The following EXO1 variants were observed in gnomAD, a reference collection of about 807,000 sequenced individuals.
The protein encoded by EXO1 is exonuclease 1.
EXO1 carries 69 observed loss-of-function variants against 84.5 expected under a neutral mutation model. The ratio of observed to expected loss-of-function variants is 0.82; its 90% confidence interval spans 0.67 to 1.00. The LOEUF is 1.00. Ranked by LOEUF, EXO1 falls within the 50% of genes least tolerant of loss-of-function variation. The pLI is 0.00. For missense variants in EXO1, 1,045 were observed against 1,000.7 expected, an observed-to-expected ratio of 1.04 and a Z score of -0.60; for synonymous variants, 373 against 366.1, an observed-to-expected ratio of 1.02 and a Z score of -0.21.
At chr1:241,882,245 G>C (rs1487753396) in intron 14 of EXO1, among the ~76,000 whole-genome samples, 1 of 152,112 alleles carries the variant, frequency 6.6e-6, no homozygotes, top group Non-Finnish European at 1.5e-5. Context: ...AGTCATTAAT[G>C]TAATGACTTT....
chr1:241,858,419 A>G, intron 7 of EXO1, 87 bp from the exon 8 acceptor site: 3 of 825,238 alleles, frequency 3.6e-6, no homozygotes, highest in South Asian at 1.5e-5. Context: ...GTGAAGAACA[A>G]GAAAGATTTC....
chr1:241,879,939 G>A (rs1012113), intron 13 of EXO1, among the ~76,000 whole-genome samples: 29,933 of 151,078 alleles, frequency 0.2, 3,108 homozygotes, highest in Non-Finnish European at 0.22. Flanking sequence ...CCTGGGAGGC[G>A]GAGGTTGCAG....
chr1:241,853,334 T>A (rs1319505767), intron 5 of EXO1, 24 bp from the exon 6 acceptor site: 4 of 1,612,182 alleles, frequency 2.5e-6, no homozygotes, highest in Non-Finnish European at 3.4e-6. Flanking sequence ...TGTTTTATAT[T>A]TAAAAAATGT....
At position 241,879,321 on chromosome 1, in the gene EXO1, C is replaced by G; in HGVS notation, c.2087C>G (p.Ser696Cys). 1 of 1,599,770 alleles carries G rather than the reference C, an allele frequency of 6.3e-7. No individual in the cohort carries two copies. Among genetic ancestry groups the G allele is most frequent in the Non-Finnish European group, 8.5e-7 (1 of 1,170,532 alleles). ...AATGCATCAAAGCTTTCTCAGTGCTCTAGTAAGGACTCTGATTCAGAGGTA... is the reference window on the plus strand; with the variant it reads ...AATGCATCAAAGCTTTCTCAGTGCTGTAGTAAGGACTCTGATTCAGAGGTA... ...SSNASKLSQC[S>C]SKDSDSEESD... The change falls in exon 13 of 16, where the codon TCT becomes TGT. Residue 696 changes from serine (S) to cysteine (C), a missense_variant. Ser to Cys is a moderately radical substitution (Grantham distance 112). Coordinates refer to ENST00000366548, the MANE Select transcript of EXO1 (RefSeq NM_130398.4).
In EXO1 at chr1:241,872,360, A is replaced by G. The variant is rs549889696; in HGVS notation, c.1514+82A>G. 1.8e-4 allele frequency: 255 copies of G among 1,448,668 alleles called. 3 individuals are homozygous for G. In the East Asian group the frequency reaches 4.8e-3, roughly 27 times the overall value. The allele number at this position is 1,448,668 out of a possible 1,614,324, so 89.7% of individuals were successfully genotyped here. A position where few individuals can be genotyped will look rare whatever the true frequency, so the allele number is the denominator to read the frequency against. On this transcript the variant is annotated intron_variant, in intron 12 of 15. Transcript: ENST00000366548. Reference sequence around the variant, plus strand: ...TTTATTTTGTCTTTTTTTAGAATTAATTTATTTATTATACTTTAAGTTCTG... The same window carrying G: ...TTTATTTTGTCTTTTTTTAGAATTAGTTTATTTATTATACTTTAAGTTCTG...
At chr1:241,869,262 A>T (rs1661934373) in intron 11 of EXO1, among the ~76,000 whole-genome samples, 1 of 152,196 alleles carries the variant, frequency 6.6e-6, no homozygotes, top group Admixed American at 6.5e-5. Flanking sequence ...ATCCACATAT[A>T]TGTGGTCAGC....
At chr1:241,875,498 T>C (rs1662338730) in intron 12 of EXO1, among the ~76,000 whole-genome samples, 1 of 152,238 alleles carries the variant, frequency 6.6e-6, no homozygotes, top group Non-Finnish European at 1.5e-5. Context: ...TTGATTCGTC[T>C]TTTGCTAGTC....
chr1:241,857,263 TA>T, intron 6 of EXO1, 81 bp from the exon 7 acceptor site: 1 of 1,353,126 alleles, frequency 7.4e-7, no homozygotes, highest in Non-Finnish European at 1.1e-6. Flanking sequence ...CTGAGGCTAG[TA>T]ATAAAGTGGG....
chr1:241,849,921 C>T (rs906181756), intron 3 of EXO1, among the ~76,000 whole-genome samples: 3 of 152,120 alleles, frequency 2.0e-5, no homozygotes, highest in Non-Finnish European at 4.4e-5. Flanking sequence ...TAAATTCTAC[C>T]CTATGGAAAT....
chr1:241,860,994 G>T (rs1301060362), intron 9 of EXO1, among the ~76,000 whole-genome samples: 1 of 152,336 alleles, frequency 6.6e-6, no homozygotes, highest in South Asian at 2.1e-4. Flanking sequence ...GGTGGCTCTT[G>T]AGAGGACCTC....
chr1:241,854,194 A>G (rs1032872503), intron 6 of EXO1, among the ~76,000 whole-genome samples: 1 of 152,094 alleles, frequency 6.6e-6, no homozygotes, highest in African/African-American at 2.4e-5. Flanking sequence ...CTGGAGTGCA[A>G]TGGCACGATG....
chr1:241,880,412 G>T (rs1012783895), intron 13 of EXO1, among the ~76,000 whole-genome samples: 1 of 152,112 alleles, frequency 6.6e-6, no homozygotes, highest in African/African-American at 2.4e-5. Context: ...CTTTGGAAGC[G>T]TTTAGCCATG....
intron 12 of EXO1, among the ~76,000 whole-genome samples, chr1:241,875,388 T>C (rs1207445136): frequency 3.3e-5 from 5 of 152,364 alleles, no homozygotes; most frequent in African/African-American, 1.2e-4. Flanking sequence ...AATGAACCAC[T>C]GGTAGTTTCT....
intron 13 of EXO1, among the ~76,000 whole-genome samples, chr1:241,881,188 C>T (rs1232605187): frequency 2.0e-5 from 3 of 151,958 alleles, no homozygotes; most frequent in African/African-American, 2.4e-5. Context: ...CCACCATGCC[C>T]GGCTAATTTT....
chr1:241,851,036 T>C (rs1187671714), intron 4 of EXO1, among the ~76,000 whole-genome samples: 1 of 152,036 alleles, frequency 6.6e-6, no homozygotes, highest in African/African-American at 2.4e-5. Context: ...GGTTTCACCA[T>C]GTTGGCCAGG....
chr1:241,873,549 A>C (rs1318055089), intron 12 of EXO1, among the ~76,000 whole-genome samples: 1 of 151,994 alleles, frequency 6.6e-6, no homozygotes, highest in Admixed American at 6.6e-5. Context: ...TTTGCAAAGT[A>C]TTTTCAGAAA....
intron 15 of EXO1, among the ~76,000 whole-genome samples, chr1:241,889,013 A>C (rs550689818): frequency 6.6e-6 from 1 of 152,288 alleles, no homozygotes; most frequent in African/African-American, 2.4e-5. Flanking sequence ...TGGAGGTTGC[A>C]GTGAGCCAAG....
At position 241,850,591 on chromosome 1, in the gene EXO1, G is replaced by A. The variant is rs1421796943; in HGVS notation, c.161+5G>A. The stretch of plus-strand genomic sequence containing the variant: ...CAAAGGTGAACCTACTGATAGGTAA[G>A]TCTGGACCTTATGTTAATTCTTTGA... On this transcript the variant is annotated splice_donor_5th_base_variant and intron_variant, in intron 4 of 15. Coordinates refer to ENST00000366548, the MANE Select transcript of EXO1 (RefSeq NM_130398.4). The A allele has an allele frequency of 3.7e-6, 6 of 1,611,902 alleles. No individual in the cohort carries two copies. Among genetic ancestry groups the A allele is most frequent in the South Asian group, 2.2e-5 (2 of 91,050 alleles).
chr1:241,858,766 T>A (rs1423671585), intron 8 of EXO1, 48 bp downstream of exon 8: 1 of 1,184,794 alleles, frequency 8.4e-7, no homozygotes, highest in East Asian at 2.4e-5. Flanking sequence ...AAGCATTTCC[T>A]TAATAAAATA....
Sources: allele counts gnomAD v4.1 joint callset (sites outside exome capture counted in the v4.1 genomes callset), GRCh38; gene constraint gnomAD v4.1.1; transcripts MANE v1.5; gene names NCBI Gene and HGNC (gene_info 2026-07-23, HGNC 2026-07-21).